The following RAPGEF4 variants were observed in gnomAD, a reference collection of about 807,000 sequenced individuals.
RAPGEF4 encodes the protein RAP guanine-nucleotide-exchange factor (GEF) 4.
A neutral mutation model predicts 147.9 loss-of-function variants in RAPGEF4; 66 were observed. That is an observed-to-expected ratio of 0.45 (90% confidence interval 0.37 to 0.55). The LOEUF is 0.55. Ranked by LOEUF, RAPGEF4 falls within the 20% of genes least tolerant of loss-of-function variation. RAPGEF4 has a pLI of 0.00. For missense variants in RAPGEF4, 1,071 were observed against 1,257.3 expected (o/e 0.85, Z 2.24); for synonymous variants, 419 against 442.7 (o/e 0.95, Z 0.67).
intron 4 of RAPGEF4, among the ~76,000 whole-genome samples, chr2:172,909,490 G>A (rs1485011567): frequency 6.6e-6 from 1 of 152,198 alleles, no homozygotes; most frequent in Non-Finnish European, 1.5e-5. Context: ...AGGTGTTAGA[G>A]TGTGTTGGGA....
At chr2:172,927,701 C>T (rs934225396) in intron 6 of RAPGEF4, among the ~76,000 whole-genome samples, 49 of 152,268 alleles carry the variant, frequency 3.2e-4, no homozygotes, top group African/African-American at 1.1e-3. Context: ...CCTTTCAACT[C>T]CACCTTTCGA....
chr2:172,946,010 G>T (rs193229179), intron 6 of RAPGEF4, among the ~76,000 whole-genome samples: 1 of 152,270 alleles, frequency 6.6e-6, no homozygotes, highest in East Asian at 1.9e-4. Flanking sequence ...GAGTGGGTAA[G>T]GGGAACTTTT....
chr2:172,953,190 GCTAT>G (rs1688386811), intron 6 of RAPGEF4, among the ~76,000 whole-genome samples: 1 of 148,938 alleles, frequency 6.7e-6, no homozygotes, highest in Non-Finnish European at 1.5e-5. Flanking sequence ...ATATATAATA[GCTAT>G]CTATTATAGA....
intron 4 of RAPGEF4, among the ~76,000 whole-genome samples, chr2:172,860,963 CTGAA>C (rs1362613798): frequency 6.6e-6 from 1 of 152,154 alleles, no homozygotes; most frequent in African/African-American, 2.4e-5. Context: ...GGTACAGAAA[CTGAA>C]TGAGCATTGA....
At chr2:172,996,017 T>C (rs767303528) in intron 15 of RAPGEF4, among the ~76,000 whole-genome samples, 1 of 152,176 alleles carries the variant, frequency 6.6e-6, no homozygotes, top group Admixed American at 6.5e-5. Flanking sequence ...ATTCCAGAAA[T>C]AGGCGGGGGA....
intron 1 of RAPGEF4, among the ~76,000 whole-genome samples, chr2:172,785,408 A>G (rs1376905876): frequency 6.6e-6 from 1 of 152,186 alleles, no homozygotes; most frequent in African/African-American, 2.4e-5. Flanking sequence ...GCTAATAATG[A>G]TGATGACGAC....
chr2:172,946,340 A>G (rs928502596), intron 6 of RAPGEF4, among the ~76,000 whole-genome samples: 3 of 152,204 alleles, frequency 2.0e-5, no homozygotes, highest in East Asian at 1.9e-4. Context: ...AAACTTTTTT[A>G]TACTTTCCAA....
At chr2:172,773,619 C>CCACACTGCCTCCCTGCCG (rs1177377312) in intron 1 of RAPGEF4, among the ~76,000 whole-genome samples, 1 of 151,814 alleles carries the variant, frequency 6.6e-6, no homozygotes, top group African/African-American at 2.4e-5. Flanking sequence ...CCTCCCCACC[C>CCACACTGCCTCCCTGCCG]CACACTGCCT....
At position 172,847,172 on chromosome 2, in the gene RAPGEF4, G is replaced by A. The variant is rs1201391978; in HGVS notation, c.444+32747G>A. On this transcript the variant is annotated intron_variant, in intron 4 of 30. Coordinates refer to ENST00000397081, the MANE Select transcript of RAPGEF4 (RefSeq NM_007023.4). ...TAGTTCCAGAGTTAGCGGTTGCAGG[G>A]TTGCCTCTTTAGACTGCAGGCACAG... Among the ~76,000 whole-genome samples the A allele has an allele frequency of 3.3e-5, 5 of 152,286 alleles. No individual in the cohort carries two copies. The South Asian group carries it at 8.3e-4, about 25-fold the overall frequency.
At chr2:172,874,267 A>G (rs1291819286) in intron 4 of RAPGEF4, among the ~76,000 whole-genome samples, 1 of 151,990 alleles carries the variant, frequency 6.6e-6, no homozygotes, top group Admixed American at 6.6e-5. Flanking sequence ...TTTAAATTAT[A>G]CTTTAAGTTC....
chr2:173,017,944 T>C (rs1695660990), intron 21 of RAPGEF4, among the ~76,000 whole-genome samples: 1 of 152,186 alleles, frequency 6.6e-6, no homozygotes, highest in Non-Finnish European at 1.5e-5. Context: ...ATGCTGGCTT[T>C]TGTTTGGTTA....
intron 3 of RAPGEF4, among the ~76,000 whole-genome samples, chr2:172,813,264 C>T (rs528552462): frequency 6.6e-6 from 1 of 152,286 alleles, no homozygotes; most frequent in South Asian, 2.1e-4. Context: ...TTGTGTGTCT[C>T]CCTTAGTTTA....
chr2:172,944,358 AG>A (rs1379337440), intron 6 of RAPGEF4, among the ~76,000 whole-genome samples: 2 of 152,208 alleles, frequency 1.3e-5, no homozygotes, highest in Non-Finnish European at 2.9e-5. Flanking sequence ...GAAAGTCCTA[AG>A]GGGCAGAAAG....
At position 172,980,184 on chromosome 2, in the gene RAPGEF4, T is replaced by G. The variant is rs1277672877; in HGVS notation, c.1005-3312T>G. ...GAGAGAGTGTAGCTATCAGGGAAGATGTGAAGAGAGGGGAGATAGATGAGT... is the reference window on the plus strand; with the variant it reads ...GAGAGAGTGTAGCTATCAGGGAAGAGGTGAAGAGAGGGGAGATAGATGAGT... On this transcript the variant is annotated intron_variant, in intron 10 of 30. Coordinates refer to ENST00000397081, the MANE Select transcript of RAPGEF4 (RefSeq NM_007023.4). 7.2e-5 allele frequency among the ~76,000 whole-genome samples: 11 copies of G among 152,022 alleles called. 1 individual carries two copies. The highest frequency in any genetic ancestry group is 7.4e-5 in the Non-Finnish European group (5 of 67,998).
chr2:172,985,384 C>G, intron 11 of RAPGEF4, 49 bp from the exon 12 acceptor site: 1 of 1,613,546 alleles, frequency 6.2e-7, no homozygotes, highest in Non-Finnish European at 8.5e-7. Context: ...CCTTTTCCAC[C>G]CAGACCTGGA....
At chr2:172,837,251 A>G (rs1296757794) in intron 4 of RAPGEF4, among the ~76,000 whole-genome samples, 1 of 152,138 alleles carries the variant, frequency 6.6e-6, no homozygotes, top group Non-Finnish European at 1.5e-5. Flanking sequence ...TAGCCATCTT[A>G]TATACATTGT....
chr2:172,797,110 T>G (rs1307797163), intron 2 of RAPGEF4, among the ~76,000 whole-genome samples: 1 of 152,226 alleles, frequency 6.6e-6, no homozygotes, highest in African/African-American at 2.4e-5. Flanking sequence ...TAGTTAAAAT[T>G]TTTAAACAAA....
chr2:172,918,403 A>ACACACACACACACG (rs1328016777), intron 5 of RAPGEF4, among the ~76,000 whole-genome samples: 2 of 151,284 alleles, frequency 1.3e-5, no homozygotes, highest in Non-Finnish European at 2.9e-5. Context: ...ACACACACAC[A>ACACACACACACACG]CACACACAAA....
chr2:173,011,875 CA>C (rs1695061734), intron 17 of RAPGEF4, among the ~76,000 whole-genome samples: 1 of 150,834 alleles, frequency 6.6e-6, no homozygotes, highest in African/African-American at 2.4e-5. Flanking sequence ...ACCACATTAG[CA>C]CCTTAATTGT....
Sources: gnomAD v4.1 joint callset for allele counts (sites outside exome capture counted in the v4.1 genomes callset) on GRCh38, gnomAD v4.1.1 for gene constraint, MANE v1.5 for transcripts, NCBI Gene and HGNC (gene_info 2026-07-23, HGNC 2026-07-21) for gene names.